LILRB4: variants seen among roughly 807,000 people sequenced by gnomAD.
LILRB4 encodes the protein leukocyte immunoglobulin like receptor B4.
In LILRB4, 49 loss-of-function variants were observed where a neutral mutation model predicts 55.2. The ratio of observed to expected loss-of-function variants is 0.89; its 90% confidence interval spans 0.71 to 1.13. The LOEUF is 1.13. Ranked by LOEUF, LILRB4 falls within the 50% of genes most tolerant of loss-of-function variation. The pLI, the probability that LILRB4 is intolerant of heterozygous loss-of-function variation, is 0.00. For missense variants in LILRB4, 590 were observed against 555.2 expected (o/e 1.06, Z -0.63); for synonymous variants, 229 against 213.8 (o/e 1.07, Z -0.62).
exon 12 of LILRB4, chr19:54,668,047 C>T: frequency 1.2e-6 from 2 of 1,613,164 alleles, no homozygotes; most frequent in Non-Finnish European, 1.7e-6. Flanking sequence ...CCCCACAAGC[C>T]ATGGAGACTC....
In LILRB4 at chr19:54,663,573, T is replaced by A. The variant is rs756801469; in HGVS notation, c.70+6T>A. The A allele has an allele frequency of 1.2e-6, 2 of 1,612,024 alleles. No homozygotes were observed. The highest frequency in any genetic ancestry group is 1.3e-5 in the African/African-American group (1 of 74,266). The stretch of plus-strand genomic sequence containing the variant: ...CAGGACCCACATGCAGGCAGGTGAG[T>A]CTGTCCCCAGCTGTCCCAGGTCCCT... On this transcript the variant is annotated splice_donor_region_variant and intron_variant, in intron 2 of 11. Transcript: ENST00000430952.
At position 54,663,498 on chromosome 19, in the gene LILRB4, C is replaced by A. The variant is rs191964304; in HGVS notation, c.35-34C>A. ...TAAAGAGAGGACCTGCTCAGGCTTC[C>A]GGGGCAAATCCCTCACAGGGAACTC... On this transcript the variant is annotated intron_variant, in intron 1 of 11. Coordinates refer to ENST00000430952, the Ensembl canonical transcript of LILRB4. 153 of 1,610,954 alleles carry A rather than the reference C, an allele frequency of 9.5e-5. 2 individuals carry two copies. The East Asian group carries it at 2.2e-3, about 23-fold the overall frequency.
chr19:54,667,999 G>T, exon 12 of LILRB4: 2 of 1,614,062 alleles, frequency 1.2e-6, no homozygotes, highest in Non-Finnish European at 1.7e-6. Flanking sequence ...CAGTGTCTAT[G>T]CCACTCTGGC....
chr19:54,666,113 T>C lies in LILRB4; in HGVS notation c.875-127T>C. ...AAGTGCTTTATTCTTTCGGTTTTTCTAAACTTAGAAAGTATTTAAAACATC... is the reference window on the plus strand; with the variant it reads ...AAGTGCTTTATTCTTTCGGTTTTTCCAAACTTAGAAAGTATTTAAAACATC... On this transcript the variant is annotated intron_variant, in intron 7 of 11. Coordinates refer to ENST00000430952, the Ensembl canonical transcript of LILRB4. This position sits in a 1 kb window ranked among gnomAD's most constrained non-coding sequence, Gnocchi z 4.8. 7.9e-7 allele frequency: 1 copy of C among 1,265,228 alleles called. No homozygotes were observed. The highest frequency in any genetic ancestry group is 1.1e-6 in the Non-Finnish European group (1 of 909,008). The allele number at this position is 1,265,228 out of a possible 1,614,324, so 78.4% of individuals were successfully genotyped here.
At position 54,667,721 on chromosome 19, in the gene LILRB4, C is replaced by T. The variant is rs11574590; in HGVS notation, c.1125C>T (p.Pro375=). 8,928 of 1,586,500 alleles carry T rather than the reference C, an allele frequency of 5.6e-3. 61 individuals are homozygous for T. The highest frequency in any genetic ancestry group is 0.029 in the African/African-American group (2,008 of 68,424). ...CTAGGAGAGAAATGGCCTCTCCTCC[C>T]TCCCCACTGTCTGGGGAATTCCTGG... Residue 375 remains proline, a synonymous_variant, in exon 11 of 12, where the codon CCC becomes CCT. Coordinates refer to ENST00000430952, the Ensembl canonical transcript of LILRB4.
In LILRB4 at chr19:54,667,620, A is replaced by G; in HGVS notation, c.1042-18A>G. 6.2e-7 allele frequency: 1 copy of G among 1,609,878 alleles called. No homozygotes were observed. The highest frequency in any genetic ancestry group is 8.5e-7 in the Non-Finnish European group (1 of 1,178,920). On this transcript the variant is annotated intron_variant, in intron 10 of 11. Transcript: ENST00000430952. Reference sequence around the variant, plus strand: ...GGAGGATTCAAGGACACCCCCCACCACTGTCTCTCTCCAGCAGAGCCCACA... The same window carrying G: ...GGAGGATTCAAGGACACCCCCCACCGCTGTCTCTCTCCAGCAGAGCCCACA...
chr19:54,666,287 G>A lies in LILRB4; in HGVS notation c.922G>A (p.Glu308Lys), dbSNP rs752324885. ...ACGTCCTCCAGGGGCTGCCGAGCCA[G>A]AGCCCAAGGACGGGGGCCTACAGAG... Residue 308 changes from glutamate (E) to lysine (K), a missense_variant, in exon 8 of 12, where the codon GAG becomes AAG. By Grantham distance (56) the Glu-to-Lys change is moderately conservative (BLOSUM62 1). Transcript: ENST00000430952. This position sits in a 1 kb window ranked among gnomAD's most constrained non-coding sequence, Gnocchi z 4.8. 6.2e-7 allele frequency: 1 copy of A among 1,610,046 alleles called. No individual in the cohort carries two copies. Among genetic ancestry groups the A allele is most frequent in the Non-Finnish European group, 8.5e-7 (1 of 1,177,842 alleles).
intron 1 of LILRB4, 105 bp downstream of exon 1, chr19:54,663,172 C>T (rs1293285686): frequency 2.6e-5 from 35 of 1,337,934 alleles, no homozygotes; most frequent in Non-Finnish European, 3.4e-5. Context: ...GGTAGCCGGG[C>T]GCGGTGGCTC....
In LILRB4 at chr19:54,665,141, G is replaced by A. The variant is rs2065207883; in HGVS notation, c.718G>A (p.Asp240Asn). 3.7e-6 allele frequency: 6 copies of A among 1,607,814 alleles called. No homozygotes were observed. The highest frequency in any genetic ancestry group is 2.2e-5 in the East Asian group (1 of 44,506). The change falls in exon 6 of 12, where the codon GAC becomes AAC. Residue 240 changes from aspartate to asparagine, a missense_variant. By Grantham distance (23) the Asp-to-Asn change is conservative. Transcript: ENST00000430952. The surrounding 1 kb of genome is among the most constrained non-coding windows in gnomAD (Gnocchi z 5.5). ...CTGTTCTAACCCAGCAGGCCCTGAGGACCAGCCCCTCATGCCTACAGGGTC... is the reference window on the plus strand; with the variant it reads ...CTGTTCTAACCCAGCAGGCCCTGAGAACCAGCCCCTCATGCCTACAGGGTC...
Position 54,666,498 on chromosome 19 carries a change from C to A in LILRB4, c.988+62C>A. 1.3e-6 allele frequency: 2 copies of A among 1,576,854 alleles called. No homozygotes were observed. Among genetic ancestry groups the A allele is most frequent in the South Asian group, 2.3e-5 (2 of 88,658 alleles). On this transcript the variant is annotated intron_variant, in intron 9 of 11. Coordinates refer to ENST00000430952, the Ensembl canonical transcript of LILRB4. This position sits in a 1 kb window ranked among gnomAD's most constrained non-coding sequence, Gnocchi z 4.8. ...GCTGGGGGTCCCAAAATTTCAATAG[C>A]AATGGGGGCAGGAGCACAGGCTAGG...
Position 54,665,970 on chromosome 19 carries a change from G to C in LILRB4, c.874+39G>C, listed in dbSNP as rs777684614. On this transcript the variant is annotated intron_variant, in intron 7 of 11. Coordinates refer to ENST00000430952, the Ensembl canonical transcript of LILRB4. The surrounding 1 kb of genome is among the most constrained non-coding windows in gnomAD (Gnocchi z 5.5). ...TGGGGGACCCGTGGGCTGATGGAGG[G>C]TGGGCTCAGGGCACCAGCCAAAGGG... 6.2e-6 allele frequency: 10 copies of C among 1,613,218 alleles called. No homozygotes were observed. The highest frequency in any genetic ancestry group is 5.1e-6 in the Non-Finnish European group (6 of 1,179,506).
chr19:54,667,734 G>C (rs1412614228), exon 11 of LILRB4: 31 of 1,611,098 alleles, frequency 1.9e-5, no homozygotes, highest in Non-Finnish European at 2.6e-5. Flanking sequence ...CCCACTGTCT[G>C]GGGAATTCCT....
Position 54,666,590 on chromosome 19 carries a change from C to A in LILRB4, c.989-107C>A, listed in dbSNP as rs1445365396. On this transcript the variant is annotated intron_variant, in intron 9 of 11. Coordinates refer to ENST00000430952, the Ensembl canonical transcript of LILRB4. The surrounding 1 kb of genome is among the most constrained non-coding windows in gnomAD (Gnocchi z 4.8). ...GTGGGACCTCGGGGACATCACAGCC[C>A]CTCCCTGCGTTGCAGTGGCACTAAT... 1 of 1,429,264 alleles carries A rather than the reference C, an allele frequency of 7.0e-7. No individual in the cohort carries two copies. The highest frequency in any genetic ancestry group is 1.4e-5 in the African/African-American group (1 of 71,052). The allele number at this position is 1,429,264 out of a possible 1,614,324, so 88.5% of individuals were successfully genotyped here.
At chr19:54,663,013 G>C (rs377582269) in exon 1 of LILRB4, 2 of 1,614,046 alleles carry the variant, frequency 1.2e-6, no homozygotes, top group Non-Finnish European at 1.7e-6. Flanking sequence ...TGCACAGCTG[G>C]GGCCCCTGGG....
rs1390305908 is a variant in LILRB4 at position 54,663,180 on chromosome 19, C to T, written c.34+113C>T. On this transcript the variant is annotated intron_variant, in intron 1 of 11. Transcript: ENST00000430952. ...ATCTCAGGGTAGCCGGGCGCGGTGG[C>T]TCACGCCTGTAATCCCAGCACTTTG... 1.5e-5 allele frequency: 19 copies of T among 1,242,206 alleles called. No individual in the cohort carries two copies. In the Admixed American group the frequency reaches 1.7e-4, roughly 11 times the overall value. 76.9% of individuals were successfully genotyped at this position (1,242,206 alleles called of 1,614,324 possible). A position where few individuals can be genotyped will look rare whatever the true frequency, so the allele number is the denominator to read the frequency against.
exon 12 of LILRB4, chr19:54,668,174 G>A (rs2065384372): frequency 2.6e-6 from 2 of 773,680 alleles, no homozygotes; most frequent in South Asian, 1.9e-5. Flanking sequence ...ACCTGATTCT[G>A]CAAAGATAAA....
chr19:54,666,423 G>A lies in LILRB4; in HGVS notation c.975G>A (p.Gln325=), dbSNP rs776920925. The change falls in exon 9 of 12, where the codon CAG becomes CAA. Residue 325 remains glutamine, a synonymous_variant. Transcript: ENST00000430952. This position sits in a 1 kb window ranked among gnomAD's most constrained non-coding sequence, Gnocchi z 4.8. ...GGTCCAGCCCAGCTGCTGACGTCCA[G>A]GGAGAAAACTTCTGTGAGTGAGAGG... 4 of 1,614,158 alleles carry A rather than the reference G, an allele frequency of 2.5e-6. No homozygotes were observed. Among genetic ancestry groups the A allele is most frequent in the East Asian group, 2.2e-5 (1 of 44,882 alleles).
At position 54,665,679 on chromosome 19, in the gene LILRB4, T is replaced by A. The variant is rs1489563592; in HGVS notation, c.758-136T>A. 4 of 1,066,486 alleles carry A rather than the reference T, an allele frequency of 3.8e-6. No homozygotes were observed. The highest frequency in any genetic ancestry group is 1.6e-5 in the African/African-American group (1 of 63,556). The allele number at this position is 1,066,486 out of a possible 1,614,324, so 66.1% of individuals were successfully genotyped here. A position where few individuals can be genotyped will look rare whatever the true frequency, so the allele number is the denominator to read the frequency against. Reference sequence around the variant, plus strand: ...ATCTGTGAAATGGGTGGAGAGAGGGTGGCAATCTCAGGTTGCACAACTGCT... The same window carrying A: ...ATCTGTGAAATGGGTGGAGAGAGGGAGGCAATCTCAGGTTGCACAACTGCT... On this transcript the variant is annotated intron_variant, in intron 6 of 11. Coordinates refer to ENST00000430952, the Ensembl canonical transcript of LILRB4. This position sits in a 1 kb window ranked among gnomAD's most constrained non-coding sequence, Gnocchi z 5.5.
exon 12 of LILRB4, chr19:54,667,942 G>A: frequency 6.2e-7 from 1 of 1,613,630 alleles, no homozygotes; most frequent in Non-Finnish European, 8.5e-7. Flanking sequence ...CAGACAGAAG[G>A]CAACTGAGCC....
Sources: allele counts gnomAD v4.1 joint callset, GRCh38; gene constraint gnomAD v4.1.1; non-coding constraint Gnocchi (gnomAD v3.1); transcripts MANE v1.5; gene names NCBI Gene and HGNC (gene_info 2026-07-23, HGNC 2026-07-21).